The following STK31 variants were observed in gnomAD, a reference collection of about 807,000 sequenced individuals.
STK31 encodes serine/threonine kinase 31.
In STK31, 89 loss-of-function variants were observed where a neutral mutation model predicts 129.7. That is an observed-to-expected ratio of 0.69 (90% CI 0.58 to 0.82). STK31 has a LOEUF of 0.82. Ranked by LOEUF, STK31 falls within the 40% of genes least tolerant of loss-of-function variation. The probability of loss-of-function intolerance (pLI) is 0.00; values close to 1 mark genes in which losing one functional copy is unlikely to be tolerated. For missense variants in STK31, 1,187 were observed against 1,176.4 expected, an observed-to-expected ratio of 1.01 and a Z score of -0.13; for synonymous variants, 448 against 395.3, an observed-to-expected ratio of 1.13 and a Z score of -1.58.
At position 23,831,963 on chromosome 7, in the gene STK31, C is replaced by T. The variant is rs1009818637; in HGVS notation, c.2830-173C>T. Reference sequence around the variant, plus strand: ...GATGATCTATTTGCAGTGTGATTATCGGCTCATTATTTTGGTGTTTTTTTT... The same window carrying T: ...GATGATCTATTTGCAGTGTGATTATTGGCTCATTATTTTGGTGTTTTTTTT... On this transcript the variant is annotated intron_variant, in intron 23 of 23. Coordinates refer to ENST00000355870, the MANE Select transcript of STK31 (RefSeq NM_031414.5). Among the ~76,000 whole-genome samples the T allele has an allele frequency of 2.6e-5, 4 of 152,036 alleles. No homozygotes were observed. The South Asian group carries it at 6.2e-4, about 24-fold the overall frequency.
At chr7:23,753,476 G>C (rs1562573195) in intron 9 of STK31, among the ~76,000 whole-genome samples, 1 of 152,146 alleles carries the variant, frequency 6.6e-6, no homozygotes, top group African/African-American at 2.4e-5. Flanking sequence ...CCCCTGGATT[G>C]GAATAAGCGG....
chr7:23,829,816 T>G (rs368398425), intron 23 of STK31, among the ~76,000 whole-genome samples: 3 of 152,258 alleles, frequency 2.0e-5, no homozygotes, highest in East Asian at 3.8e-4. Context: ...TACTTGTTAC[T>G]GGTCTGTTCA....
intron 22 of STK31, among the ~76,000 whole-genome samples, chr7:23,794,248 T>C (rs2216501): frequency 0.98 from 149,145 of 152,296 alleles, 73,129 homozygotes; most frequent in East Asian, 1. Context: ...ATGCAGTTCT[T>C]GTGGAAGTAA....
At chr7:23,773,793 T>G (rs1484137765) in intron 15 of STK31, among the ~76,000 whole-genome samples, 1 of 152,020 alleles carries the variant, frequency 6.6e-6, no homozygotes, top group African/African-American at 2.4e-5. Flanking sequence ...TTTTTCATTA[T>G]TATACTTTAA....
At chr7:23,782,499 A>T (rs6944883) in intron 16 of STK31, among the ~76,000 whole-genome samples, 52,333 of 147,502 alleles carry the variant, frequency 0.35, 9,489 homozygotes, top group South Asian at 0.4. Context: ...AAAAGAAAAG[A>T]AAAGAAAGTA....
chr7:23,778,897 T>C (rs1277233134), intron 15 of STK31, among the ~76,000 whole-genome samples: 2 of 152,146 alleles, frequency 1.3e-5, no homozygotes, highest in Non-Finnish European at 2.9e-5. Flanking sequence ...TTGTGATCCT[T>C]TGGAGGAGAA....
chr7:23,792,803 C>T (rs987741093), intron 22 of STK31, among the ~76,000 whole-genome samples: 2 of 152,124 alleles, frequency 1.3e-5, no homozygotes, highest in Non-Finnish European at 2.9e-5. Context: ...AGGAGGATTG[C>T]TTAATGCCAG....
At chr7:23,724,651 T>A (rs1786946985) in intron 4 of STK31, among the ~76,000 whole-genome samples, 1 of 152,204 alleles carries the variant, frequency 6.6e-6, no homozygotes, top group Admixed American at 6.5e-5. Flanking sequence ...TTTGCAGGGA[T>A]TGAAATTGGT....
At chr7:23,780,318 T>C (rs910790529) in intron 15 of STK31, among the ~76,000 whole-genome samples, 20 of 152,174 alleles carry the variant, frequency 1.3e-4, no homozygotes, top group Non-Finnish European at 2.5e-4. Context: ...AATCTGACTT[T>C]TAAAGTGTAA....
At chr7:23,759,237 C>A (rs1988373) in intron 10 of STK31, among the ~76,000 whole-genome samples, 37,886 of 152,068 alleles carry the variant, frequency 0.25, 5,138 homozygotes, top group East Asian at 0.39. Context: ...AGAAAATTAA[C>A]AAGGATATTC....
At position 23,824,394 on chromosome 7, in the gene STK31, CTGTT is replaced by C. The variant is rs993188175; in HGVS notation, c.2830-7733_2830-7730del. 1.9e-3 allele frequency among the ~76,000 whole-genome samples: 296 copies of C among 152,208 alleles called. 1 individual carries two copies. The highest frequency in any genetic ancestry group is 6.0e-3 in the African/African-American group (247 of 41,510). On this transcript the variant is annotated intron_variant, in intron 23 of 23. Coordinates refer to ENST00000355870, the MANE Select transcript of STK31 (RefSeq NM_031414.5). ...GGGAGTTCACTGATGATTTGACTCT[CTGTT>C]TGTTTGTTATTGGTGTATAAGAATG...
At chr7:23,752,282 T>TA (rs1395156811) in intron 8 of STK31, among the ~76,000 whole-genome samples, 8 of 152,278 alleles carry the variant, frequency 5.3e-5, no homozygotes, top group Admixed American at 5.2e-4. Flanking sequence ...TTGAAGCAGT[T>TA]AAAAATAAAT....
chr7:23,800,522 C>G (rs891332088), intron 22 of STK31, among the ~76,000 whole-genome samples: 2 of 151,512 alleles, frequency 1.3e-5, no homozygotes, highest in Non-Finnish European at 3.0e-5. Flanking sequence ...CATAAGTGAA[C>G]ATGTTCTCAC....
At chr7:23,732,924 A>T (rs1474858926) in intron 6 of STK31, among the ~76,000 whole-genome samples, 1 of 152,122 alleles carries the variant, frequency 6.6e-6, no homozygotes, top group East Asian at 1.9e-4. Context: ...ACTACATCTA[A>T]TTGATTAAAA....
In STK31 at chr7:23,777,932, G is replaced by A. The variant is rs530014648; in HGVS notation, c.1966-3487G>A. ...GTTGATGTAGTTTCTTCATAGTGTC[G>A]ACGGTCTTTACAATTTGGTATGTTT... On this transcript the variant is annotated intron_variant, in intron 15 of 23. Transcript: ENST00000355870. Among the ~76,000 whole-genome samples the A allele has an allele frequency of 4.6e-5, 7 of 152,172 alleles. No individual in the cohort carries two copies. In the East Asian group the frequency reaches 9.7e-4, roughly 21 times the overall value.
intron 22 of STK31, among the ~76,000 whole-genome samples, chr7:23,791,818 C>A (rs1165581725): frequency 6.6e-6 from 1 of 152,142 alleles, no homozygotes; most frequent in Non-Finnish European, 1.5e-5. Flanking sequence ...TTCTTATCAG[C>A]CCAGGGGCCA....
chr7:23,729,341 A>G, intron 6 of STK31, 92 bp downstream of exon 6: 1 of 1,185,284 alleles, frequency 8.4e-7, no homozygotes, highest in Non-Finnish European at 1.1e-6. Context: ...ACTTTAATAT[A>G]AAAGTCTGTA....
intron 23 of STK31, among the ~76,000 whole-genome samples, chr7:23,821,256 T>C (rs1213614995): frequency 6.6e-6 from 1 of 152,220 alleles, no homozygotes; most frequent in Non-Finnish European, 1.5e-5. Context: ...AATTTACATT[T>C]CCACTAACAA....
chr7:23,810,741 A>AT (rs1562623359), intron 22 of STK31, among the ~76,000 whole-genome samples: 3 of 128,944 alleles, frequency 2.3e-5, no homozygotes, highest in South Asian at 2.2e-4. Context: ...GATATATATA[A>AT]AATAGATATA....
Sources: allele counts gnomAD v4.1 joint callset (sites outside exome capture counted in the v4.1 genomes callset), GRCh38; gene constraint gnomAD v4.1.1; transcripts MANE v1.5; gene names NCBI Gene and HGNC (gene_info 2026-07-23, HGNC 2026-07-21).